The following TAOK1 variants were observed in gnomAD, a reference collection of about 807,000 sequenced individuals.
TAOK1 encodes serine/threonine-protein kinase TAO1.
A neutral mutation model predicts 138.3 loss-of-function variants in TAOK1; 21 were observed. That is an observed-to-expected ratio of 0.15 (90% CI 0.11 to 0.22). The LOEUF (loss-of-function observed/expected upper bound fraction) is 0.22. TAOK1 is among the 10% of genes least tolerant of loss of function. The pLI is 1.00. For synonymous variants in TAOK1, 361 were observed against 398.4 expected (o/e 0.91, Z 1.12); for missense variants, 651 against 1,227.7 (o/e 0.53, Z 7.02).
At chr17:29,538,140 G>A (rs1598530427) in intron 19 of TAOK1, among the ~76,000 whole-genome samples, 1 of 150,090 alleles carries the variant, frequency 6.7e-6, no homozygotes, top group African/African-American at 2.4e-5. Flanking sequence ...AGGTAAACAT[G>A]GCCAAGCCAA....
Position 29,543,266 on chromosome 17 carries a change from A to G in TAOK1, c.*244A>G. ...AAAAGTGGAGTTGATATTAAAAATA[A>G]ATGTGTATGTGTGTACATATATATA... On this transcript the variant is annotated 3_prime_UTR_variant, in exon 20 of 20. Coordinates refer to ENST00000261716, the MANE Select transcript of TAOK1 (RefSeq NM_020791.4). 2.6e-6 allele frequency: 1 copy of G among 388,738 alleles called. No individual in the cohort carries two copies. The highest frequency in any genetic ancestry group is 4.3e-5 in the East Asian group (1 of 23,188). 24.1% of individuals were successfully genotyped at this position (388,738 alleles called of 1,614,324 possible). A position where few individuals can be genotyped will look rare whatever the true frequency, so the allele number is the denominator to read the frequency against.
chr17:29,449,115 A>G lies in TAOK1; in HGVS notation c.-94-2340A>G, dbSNP rs2030168317. Among the ~76,000 whole-genome samples, 4 of 152,342 alleles carry G rather than the reference A, an allele frequency of 2.6e-5. No homozygotes were observed. The South Asian group carries it at 8.3e-4, about 32-fold the overall frequency. On this transcript the variant is annotated intron_variant, in intron 1 of 19. Transcript: ENST00000261716. Reference sequence around the variant, plus strand: ...GTAAAATAATTCTTGTAATAAGGGCACTAAAACTTAATCATTCAAAATTCT... The same window carrying G: ...GTAAAATAATTCTTGTAATAAGGGCGCTAAAACTTAATCATTCAAAATTCT...
In TAOK1 at chr17:29,498,097, T is replaced by C. The variant is rs531586218; in HGVS notation, c.1000-221T>C. Among the ~76,000 whole-genome samples the C allele has an allele frequency of 2.0e-5, 3 of 152,148 alleles. No individual in the cohort carries two copies. The East Asian group carries it at 5.8e-4, about 29-fold the overall frequency. On this transcript the variant is annotated intron_variant, in intron 11 of 19. Coordinates refer to ENST00000261716, the MANE Select transcript of TAOK1 (RefSeq NM_020791.4). The stretch of plus-strand genomic sequence containing the variant: ...ATCAGCTGACTTTGTTTTAGACAGT[T>C]GGTTGAATTTTTTTGTGATTTACTT...
chr17:29,483,455 A>G (rs923977022), intron 8 of TAOK1, among the ~76,000 whole-genome samples: 16 of 152,198 alleles, frequency 1.1e-4, no homozygotes, highest in South Asian at 2.1e-4. Context: ...TTGATTAATC[A>G]TTATCTACTC....
rs548550812 is a variant in TAOK1 at position 29,548,663 on chromosome 17, T to C, written c.*5641T>C. 6.6e-6 allele frequency: 1 copy of C among 152,180 alleles called. No homozygotes were observed. Among genetic ancestry groups the C allele is most frequent in the Non-Finnish European group, 1.5e-5 (1 of 68,018 alleles). 9.4% of individuals were successfully genotyped at this position (152,180 alleles called of 1,614,324 possible). ...GTAATTCAACCTGCACAGTTTTCTTTCACTCAAAGTGTTCAGCACTTGTGA... is the reference window on the plus strand; with the variant it reads ...GTAATTCAACCTGCACAGTTTTCTTCCACTCAAAGTGTTCAGCACTTGTGA... On this transcript the variant is annotated 3_prime_UTR_variant, in exon 20 of 20. Transcript: ENST00000261716.
intron 1 of TAOK1, among the ~76,000 whole-genome samples, chr17:29,443,912 C>G (rs1199273041): frequency 6.6e-6 from 1 of 151,964 alleles, no homozygotes; most frequent in South Asian, 2.1e-4. Context: ...GTCAGGAGTT[C>G]GAGACCAGCC....
At chr17:29,477,623 A>G in intron 4 of TAOK1, 38 bp from the exon 5 acceptor site, 1 of 1,110,668 alleles carries the variant, frequency 9.0e-7, no homozygotes, top group South Asian at 3.0e-5. Context: ...AATCTTTATA[A>G]TAATATATTT....
rs375042497 is a variant in TAOK1 at position 29,541,012 on chromosome 17, C to G, written c.2545-1549C>G. On this transcript the variant is annotated intron_variant, in intron 19 of 19. Transcript: ENST00000261716. ...TGAGCCACCACGCCCGGCCTTGATA[C>G]ATTTTTTATTTCTGTAGTACCTTAT... Among the ~76,000 whole-genome samples the G allele has an allele frequency of 8.0e-5, 12 of 149,980 alleles. No individual in the cohort carries two copies. In the East Asian group the frequency reaches 1.2e-3, roughly 15 times the overall value.
intron 1 of TAOK1, among the ~76,000 whole-genome samples, chr17:29,420,735 G>A (rs540330959): frequency 4.5e-4 from 68 of 151,712 alleles, no homozygotes; most frequent in Non-Finnish European, 9.0e-4. Flanking sequence ...ACAGGCATGC[G>A]CCAGCATGCC....
chr17:29,397,647 T>TTC (rs1384681685), intron 1 of TAOK1, among the ~76,000 whole-genome samples: 25 of 61,558 alleles, frequency 4.1e-4, no homozygotes, highest in African/African-American at 1.2e-3. Context: ...TACATGTATA[T>TTC]ATGTATATTC....
intron 2 of TAOK1, among the ~76,000 whole-genome samples, chr17:29,452,119 G>A (rs2030254493): frequency 6.6e-6 from 1 of 152,048 alleles, no homozygotes; most frequent in Admixed American, 6.6e-5. Flanking sequence ...AGGAGGCTGA[G>A]GCCAGAGAAT....
At chr17:29,437,734 CTTTTTT>C (rs11447325) in intron 1 of TAOK1, among the ~76,000 whole-genome samples, 1 of 124,238 alleles carries the variant, frequency 8.0e-6, no homozygotes, top group Non-Finnish European at 1.6e-5. Context: ...TTATATTCTT[CTTTTTT>C]TTTTTTTTTT....
chr17:29,529,289 GA>G (rs1430094400), intron 17 of TAOK1, among the ~76,000 whole-genome samples: 1 of 152,060 alleles, frequency 6.6e-6, no homozygotes, highest in African/African-American at 2.4e-5. Flanking sequence ...TAATTCATGA[GA>G]AAAAATTTAA....
intron 15 of TAOK1, among the ~76,000 whole-genome samples, chr17:29,515,561 T>A (rs2153030148): frequency 6.6e-6 from 1 of 152,180 alleles, no homozygotes; most frequent in South Asian, 2.1e-4. Context: ...AAAGGCCGGG[T>A]GCAGTGGCTC....
chr17:29,536,247 C>T (rs1413368451), intron 19 of TAOK1, among the ~76,000 whole-genome samples: 4 of 151,106 alleles, frequency 2.6e-5, no homozygotes, highest in Non-Finnish European at 4.4e-5. Flanking sequence ...TGCAGTGAGC[C>T]GAGATGGCGC....
intron 1 of TAOK1, among the ~76,000 whole-genome samples, chr17:29,443,879 C>T (rs1477661260): frequency 1.3e-5 from 2 of 151,942 alleles, no homozygotes; most frequent in African/African-American, 4.8e-5. Flanking sequence ...CTTTGGGAGG[C>T]CGAAGCGGGC....
intron 1 of TAOK1, among the ~76,000 whole-genome samples, chr17:29,434,516 G>C (rs985550616): frequency 1.3e-5 from 2 of 151,584 alleles, no homozygotes; most frequent in African/African-American, 4.9e-5. Context: ...TCAGTCTTCT[G>C]TCCTTGCATC....
intron 13 of TAOK1, among the ~76,000 whole-genome samples, chr17:29,506,316 A>G (rs1007632720): frequency 3.9e-5 from 6 of 152,246 alleles, no homozygotes; most frequent in African/African-American, 1.2e-4. Context: ...TTGCAAGAAC[A>G]TGAATGAATC....
At chr17:29,449,768 G>C (rs2030186579) in intron 1 of TAOK1, among the ~76,000 whole-genome samples, 1 of 152,150 alleles carries the variant, frequency 6.6e-6, no homozygotes, top group African/African-American at 2.4e-5. Flanking sequence ...TTGAACCTGG[G>C]AGATGGGTGT....
Sources: allele counts gnomAD v4.1 joint callset (sites outside exome capture counted in the v4.1 genomes callset), GRCh38; gene constraint gnomAD v4.1.1; transcripts MANE v1.5; gene names NCBI Gene and HGNC (gene_info 2026-07-23, HGNC 2026-07-21).